Variants in ITGB4 observed in about 807,000 individuals in gnomAD.
ITGB4 encodes the protein integrin beta-4.
In ITGB4, 159 loss-of-function variants were observed where a neutral mutation model predicts 207.6. That is an observed-to-expected ratio of 0.77 (90% CI 0.67 to 0.87). ITGB4 has a LOEUF of 0.87. ITGB4 is among the 40% of genes least tolerant of loss of function. ITGB4 has a pLI of 0.00. For missense variants in ITGB4, 2,278 were observed against 2,546.8 expected (o/e 0.89, Z 2.27); for synonymous variants, 1,020 against 1,062.7 (o/e 0.96, Z 0.78).
chr17:75,731,857 A>G lies in ITGB4; in HGVS notation c.1261A>G (p.Thr421Ala). The G allele has an allele frequency of 6.2e-7, 1 of 1,612,798 alleles. No individual in the cohort carries two copies. Among genetic ancestry groups the G allele is most frequent in the Non-Finnish European group, 8.5e-7 (1 of 1,179,542 alleles). ...QLRALEHVDGTHVCQLPEDQK... is the reference protein window; with the variant it reads ...QLRALEHVDGAHVCQLPEDQK... ...GCGGGCCCTTGAGCACGTGGATGGG[A>G]CGCACGTGTGCCAGCTGCCGGAGGA... is the stretch of plus-strand genomic sequence containing the variant. Residue 421 changes from threonine (T) to alanine (A), a missense_variant, in exon 11 of 40, where the codon ACG (threonine) becomes GCG (alanine). Physicochemically the swap from Thr to Ala is moderately conservative, Grantham distance 58. Transcript: ENST00000200181. The surrounding 1 kb of genome is among the most constrained non-coding windows in gnomAD (Gnocchi z 6.8).
chr17:75,740,542 G>T lies in ITGB4; in HGVS notation c.2550+81G>T, dbSNP rs560664294. The T allele has an allele frequency of 1.8e-5, 22 of 1,210,726 alleles. 1 individual carries two copies. In the South Asian group the frequency reaches 2.6e-4, roughly 14 times the overall value. 75.0% of individuals were successfully genotyped at this position (1,210,726 alleles called of 1,614,324 possible). A position where few individuals can be genotyped will look rare whatever the true frequency, so the allele number is the denominator to read the frequency against. ...TGGGCAGGGCAGAGCGAATGCGGTCGTGGTACCGAGATTCATTAACTAGGG... is the reference window on the plus strand; with the variant it reads ...TGGGCAGGGCAGAGCGAATGCGGTCTTGGTACCGAGATTCATTAACTAGGG... On this transcript the variant is annotated intron_variant, in intron 21 of 39. Coordinates refer to ENST00000200181, the MANE Select transcript of ITGB4 (RefSeq NM_000213.5). The surrounding 1 kb of genome is among the most constrained non-coding windows in gnomAD (Gnocchi z 5.9).
rs185937275 is a variant in ITGB4 at position 75,750,550 on chromosome 17, C to A, written c.3475-130C>A. 1 of 888,350 alleles carries A rather than the reference C, an allele frequency of 1.1e-6. No homozygotes were observed. Among genetic ancestry groups the A allele is most frequent in the Non-Finnish European group, 1.8e-6 (1 of 557,650 alleles). 55.0% of individuals were successfully genotyped at this position (888,350 alleles called of 1,614,324 possible). A position where few individuals can be genotyped will look rare whatever the true frequency, so the allele number is the denominator to read the frequency against. On this transcript the variant is annotated intron_variant, in intron 28 of 39. Transcript: ENST00000200181. This position sits in a 1 kb window ranked among gnomAD's most constrained non-coding sequence, Gnocchi z 5.5. Reference sequence around the variant, plus strand: ...CCCTAGTCCTGACGTGTGCACATGGCAGATCTCTCAGCCCCTCCCTCGGGC... The same window carrying A: ...CCCTAGTCCTGACGTGTGCACATGGAAGATCTCTCAGCCCCTCCCTCGGGC...
Position 75,756,549 on chromosome 17 carries a change from G to C in ITGB4, c.4829G>C (p.Arg1610Pro). Residue 1610 changes from arginine to proline, a missense_variant, in exon 36 of 40, where the codon CGA becomes CCA. Transcript: ENST00000200181. ...VRAQSQEGWG[R>P]EREGVITIES... ...GCCCAGAGCCAGGAAGGCTGGGGCC[G>C]AGAGCGTGAGGGTGTCATCACCATT... The C allele has an allele frequency of 1.2e-6, 2 of 1,613,202 alleles. No homozygotes were observed. The highest frequency in any genetic ancestry group is 1.7e-5 in the Admixed American group (1 of 60,022).
Position 75,748,750 on chromosome 17 carries a change from C to T in ITGB4, c.3112-91C>T, listed in dbSNP as rs1029279812. ...ACCCAGCAAGCAGGGATGGTCTCTG[C>T]AGTGTCCATGAGGTTGGGAGGGAGC... On this transcript the variant is annotated intron_variant, in intron 26 of 39. Coordinates refer to ENST00000200181, the MANE Select transcript of ITGB4 (RefSeq NM_000213.5). 1.5e-5 allele frequency: 14 copies of T among 914,520 alleles called. No homozygotes were observed. In the African/African-American group the frequency reaches 2.1e-4, roughly 14 times the overall value. 56.7% of individuals were successfully genotyped at this position (914,520 alleles called of 1,614,324 possible). A position where few individuals can be genotyped will look rare whatever the true frequency, so the allele number is the denominator to read the frequency against.
rs952103506 is a variant in ITGB4, at chr17:75,739,019, G to A, written c.2221-653G>A. Among the ~76,000 whole-genome samples, 2 of 151,788 alleles carry A rather than the reference G, an allele frequency of 1.3e-5. No homozygotes were observed. Among genetic ancestry groups the A allele is most frequent in the Admixed American group, 6.6e-5 (1 of 15,226 alleles). On this transcript the variant is annotated intron_variant, in intron 18 of 39. Transcript: ENST00000200181. This position sits in a 1 kb window ranked among gnomAD's most constrained non-coding sequence, Gnocchi z 5.4. The stretch of plus-strand genomic sequence containing the variant: ...TAAGAAACAAGTTTCTTAAATTTAA[G>A]TTACAGTGGCTCACACTTGTAACCC...
At chr17:75,754,242 C>T (rs2143465698) in intron 33 of ITGB4, among the ~76,000 whole-genome samples, 1 of 152,290 alleles carries the variant, frequency 6.6e-6, no homozygotes, top group South Asian at 2.1e-4. Flanking sequence ...CAAGTAGACC[C>T]CTCAGGGGCC....
Position 75,729,186 on chromosome 17 carries a change from A to T in ITGB4, c.567-79A>T, listed in dbSNP as rs1365848762. 1.5e-6 allele frequency: 2 copies of T among 1,335,312 alleles called. No individual in the cohort carries two copies. The highest frequency in any genetic ancestry group is 2.1e-6 in the Non-Finnish European group (2 of 960,294). 82.7% of individuals were successfully genotyped at this position (1,335,312 alleles called of 1,614,324 possible). On this transcript the variant is annotated intron_variant, in intron 6 of 39. Coordinates refer to ENST00000200181, the MANE Select transcript of ITGB4 (RefSeq NM_000213.5). This position sits in a 1 kb window ranked among gnomAD's most constrained non-coding sequence, Gnocchi z 4.4. ...AAAAAAAAAAAAAAATTCTCCTTCT[A>T]GTTGAAACGAGCCAGGGGCACTGGG...
In ITGB4 at chr17:75,750,308, G is replaced by T. The variant is rs535466278; in HGVS notation, c.3474+40G>T. 2 of 1,575,030 alleles carry T rather than the reference G, an allele frequency of 1.3e-6. No individual in the cohort carries two copies. Among genetic ancestry groups the T allele is most frequent in the East Asian group, 2.3e-5 (1 of 44,418 alleles). On this transcript the variant is annotated intron_variant, in intron 28 of 39. Coordinates refer to ENST00000200181, the MANE Select transcript of ITGB4 (RefSeq NM_000213.5). This position sits in a 1 kb window ranked among gnomAD's most constrained non-coding sequence, Gnocchi z 5.5. ...TGAGGGTCACGACAGGTGGATGGGC[G>T]GTCTGGCACCAGCACTCACAGAAGA...
rs2603514 is a variant in ITGB4 at position 75,737,527 on chromosome 17, C to T, written c.2114-11C>T. 1 of 1,564,386 alleles carries T rather than the reference C, an allele frequency of 6.4e-7. No individual in the cohort carries two copies. On this transcript the variant is annotated splice_polypyrimidine_tract_variant and intron_variant, in intron 17 of 39. Transcript: ENST00000200181. ...GACAGGCACCACCTCCCCCTGCCTC[C>T]TCCTCTCCAGACTGCCCTCCGGGCT...
intron 32 of ITGB4, 39 bp downstream of exon 32, chr17:75,752,616 G>C (rs771169031): frequency 6.2e-7 from 1 of 1,612,190 alleles, no homozygotes; most frequent in Non-Finnish European, 8.5e-7. Flanking sequence ...GACAGTGGGG[G>C]TCTTGGGTAC....
rs886053409 is a variant in ITGB4 at position 75,731,363 on chromosome 17, G to A, written c.1210G>A (p.Glu404Lys). ...RTGSFHIRRG[E>K]VGIYQVQLRA... ...TGGGTCCTTTCACATCCGGCGGGGG[G>A]AAGTGGTACGCCTCTGTGGGGGCAG... The change falls in exon 10 of 40, where the codon GAA becomes AAA. Residue 404 changes from glutamate (E) to lysine (K), a missense_variant. Glu to Lys is a moderately conservative substitution (Grantham distance 56). Coordinates refer to ENST00000200181, the MANE Select transcript of ITGB4 (RefSeq NM_000213.5). The surrounding 1 kb of genome is among the most constrained non-coding windows in gnomAD (Gnocchi z 6.8). 6 of 1,611,776 alleles carry A rather than the reference G, an allele frequency of 3.7e-6. No individual in the cohort carries two copies. The highest frequency in any genetic ancestry group is 5.1e-6 in the Non-Finnish European group (6 of 1,179,138).
In ITGB4 at chr17:75,753,797, G is replaced by T; in HGVS notation, c.4141G>T (p.Glu1381Ter). ...CTGGAAGTTCGAGCCCCTGCTGGGG[G>T]AGGAGCTGGACCTGCGGCGCGTCAC... ...CGWKFEPLLG[E>*]ELDLRRVTWR... The change falls in exon 33 of 40, where the codon GAG becomes TAG. Residue 1381 changes from glutamate to a stop codon, truncating the protein, a stop_gained. Transcript: ENST00000200181. LOFTEE classifies it high-confidence loss of function. The T allele has an allele frequency of 6.8e-7, 1 of 1,461,984 alleles. No homozygotes were observed. Among genetic ancestry groups the T allele is most frequent in the Non-Finnish European group, 9.0e-7 (1 of 1,107,186 alleles). The allele number at this position is 1,461,984 out of a possible 1,614,324, so 90.6% of individuals were successfully genotyped here. A position where few individuals can be genotyped will look rare whatever the true frequency, so the allele number is the denominator to read the frequency against.
chr17:75,749,098 G>A (rs2061305276), intron 27 of ITGB4, 53 bp downstream of exon 27: 10 of 1,439,086 alleles, frequency 6.9e-6, no homozygotes, highest in South Asian at 3.5e-5. Flanking sequence ...AGACTGGGGG[G>A]TCTCTCAACT....
intron 2 of ITGB4, among the ~76,000 whole-genome samples, chr17:75,726,193 C>T (rs2060713391): frequency 6.6e-6 from 1 of 152,250 alleles, no homozygotes. Flanking sequence ...TGGCTCACGC[C>T]TATAATTCCC....
chr17:75,736,979 G>A (rs572215576), intron 16 of ITGB4, among the ~76,000 whole-genome samples: 2 of 152,170 alleles, frequency 1.3e-5, no homozygotes, highest in African/African-American at 4.8e-5. Context: ...CTTGGGCAGG[G>A]GCATGCACCC....
In ITGB4 at chr17:75,731,784, G is replaced by A. The variant is rs1345934716; in HGVS notation, c.1216-28G>A. On this transcript the variant is annotated intron_variant, in intron 10 of 39. Coordinates refer to ENST00000200181, the MANE Select transcript of ITGB4 (RefSeq NM_000213.5). The surrounding 1 kb of genome is among the most constrained non-coding windows in gnomAD (Gnocchi z 6.8). ...CCCCCTGGTCCTTGGGGCTGGGCCTGCCTTGGCTGACCACGGGGCCCCTGC... is the reference window on the plus strand; with the variant it reads ...CCCCCTGGTCCTTGGGGCTGGGCCTACCTTGGCTGACCACGGGGCCCCTGC... The A allele has an allele frequency of 1.3e-6, 2 of 1,554,044 alleles. No individual in the cohort carries two copies. The highest frequency in any genetic ancestry group is 1.4e-5 in the African/African-American group (1 of 73,546).
chr17:75,756,292 A>T, intron 35 of ITGB4, 137 bp from the exon 36 acceptor site: 1 of 867,954 alleles, frequency 1.2e-6, no homozygotes, highest in Non-Finnish European at 1.8e-6. Flanking sequence ...ACCATACTGT[A>T]CCCAACCTGT....
chr17:75,756,694 C>T lies in ITGB4; in HGVS notation c.4898-10C>T, dbSNP rs1485274544. On this transcript the variant is annotated splice_polypyrimidine_tract_variant and intron_variant, in intron 36 of 39. Transcript: ENST00000200181. ...CCCACAGGCTGATGCTCTTCCTCTA[C>T]TGCCCCCAGGCTCCGCCTTCACTTT... The T allele has an allele frequency of 6.2e-7, 1 of 1,613,514 alleles. No homozygotes were observed.
rs964677566 is a variant in ITGB4 at position 75,731,178 on chromosome 17, C to T, written c.1093-68C>T. The T allele has an allele frequency of 8.7e-6, 14 of 1,611,516 alleles. No homozygotes were observed. In the African/African-American group the frequency reaches 1.9e-4, roughly 22 times the overall value. On this transcript the variant is annotated intron_variant, in intron 9 of 39. Transcript: ENST00000200181. The surrounding 1 kb of genome is among the most constrained non-coding windows in gnomAD (Gnocchi z 6.8). ...GTGATACCCCGCATGATGCCAGCCA[C>T]ACTTGGAGGTTGGGGTGGAGCACAG... is the stretch of plus-strand genomic sequence containing the variant.
Sources: gnomAD v4.1 joint callset for allele counts (sites outside exome capture counted in the v4.1 genomes callset) on GRCh38, gnomAD v4.1.1 for gene constraint, Gnocchi (gnomAD v3.1) non-coding constraint, MANE v1.5 for transcripts, NCBI Gene and HGNC (gene_info 2026-07-23, HGNC 2026-07-21) for gene names.